Variants in NRDE2 observed in about 807,000 individuals in gnomAD.
The protein encoded by NRDE2 is NRDE-2, necessary for RNA interference, domain containing.
NRDE2 carries 76 observed loss-of-function variants against 124.2 expected under a neutral mutation model. The ratio of observed to expected loss-of-function variants is 0.61; its 90% confidence interval spans 0.51 to 0.74. NRDE2 has a LOEUF of 0.74. Ranked by LOEUF, NRDE2 falls within the 30% of genes least tolerant of loss-of-function variation. The pLI is 0.00. For synonymous variants in NRDE2, 489 were observed against 528.1 expected (o/e 0.93, Z 1.01); for missense variants, 1,314 against 1,417.3 (o/e 0.93, Z 1.17).
Position 90,292,834 on chromosome 14 carries a change from T to G in NRDE2, c.1705A>C (p.Ile569Leu), listed in dbSNP as rs1892309596. 1.2e-6 allele frequency: 2 copies of G among 1,614,170 alleles called. No individual in the cohort carries two copies. The highest frequency in any genetic ancestry group is 1.7e-6 in the Non-Finnish European group (2 of 1,180,000). The change falls in exon 9 of 14, where the codon ATA becomes CTA. Residue 569 changes from isoleucine to leucine, a missense_variant. Physicochemically the swap from Ile to Leu is conservative, Grantham distance 5. Transcript: ENST00000354366. ...DDEPEEDDQE[I>L]KDKTLPRWQI... Reference sequence around the variant, plus strand: ...CACCTGGGCAGAGTCTTATCTTTTATTTCCTGGTCATCCTCTTCTGGTTCA... The same window carrying G: ...CACCTGGGCAGAGTCTTATCTTTTAGTTCCTGGTCATCCTCTTCTGGTTCA...
chr14:90,297,973 G>C (rs894598566), intron 8 of NRDE2, among the ~76,000 whole-genome samples: 1 of 151,640 alleles, frequency 6.6e-6, no homozygotes. Flanking sequence ...TGAGGATTGG[G>C]GCAGTTATTA....
intron 10 of NRDE2, among the ~76,000 whole-genome samples, chr14:90,289,839 C>T (rs919843747): frequency 3.9e-5 from 6 of 152,232 alleles, no homozygotes; most frequent in South Asian, 2.1e-4. Context: ...CCGCCCGCCT[C>T]GGCCTCCCAA....
In NRDE2 at chr14:90,270,364, G is replaced by C; in HGVS notation, c.*7972C>G. ...GTGCTGACATCAAGGTGAGAGCCTA[G>C]CCGTGTCAGCTTATTTCTGGGAATG... On this transcript the variant is annotated 3_prime_UTR_variant, in exon 14 of 14. Coordinates refer to ENST00000354366, the MANE Select transcript of NRDE2 (RefSeq NM_017970.4). 6.2e-7 allele frequency: 1 copy of C among 1,608,562 alleles called. No individual in the cohort carries two copies.
rs577037478 is a variant in NRDE2 at position 90,293,469 on chromosome 14, C to T, written c.1667-597G>A. On this transcript the variant is annotated intron_variant, in intron 8 of 13. Coordinates refer to ENST00000354366, the MANE Select transcript of NRDE2 (RefSeq NM_017970.4). Reference sequence around the variant, plus strand: ...TTCACCATGTTGGTCAGGCTGGTTTCGAACTCCTGATCTCAGGTGATGCAC... The same window carrying T: ...TTCACCATGTTGGTCAGGCTGGTTTTGAACTCCTGATCTCAGGTGATGCAC... Among the ~76,000 whole-genome samples the T allele has an allele frequency of 7.8e-4, 118 of 152,118 alleles. 4 individuals carry two copies. In the South Asian group the frequency reaches 0.024, roughly 31 times the overall value.
Position 90,276,817 on chromosome 14 carries a change from C to T in NRDE2, c.*1519G>A, listed in dbSNP as rs975578323. The T allele has an allele frequency of 3.9e-5, 6 of 152,278 alleles. No homozygotes were observed. The East Asian group carries it at 9.7e-4, about 25-fold the overall frequency. 9.4% of individuals were successfully genotyped at this position (152,278 alleles called of 1,614,324 possible). ...GACATGAGTCAGATGGGGACTGAGG[C>T]GCCAGCTGCTGTCATGGGGAGCATG... On this transcript the variant is annotated 3_prime_UTR_variant, in exon 14 of 14. Transcript: ENST00000354366.
At position 90,275,417 on chromosome 14, in the gene NRDE2, A is replaced by C. The variant is rs988767004; in HGVS notation, c.*2919T>G. On this transcript the variant is annotated 3_prime_UTR_variant, in exon 14 of 14. Transcript: ENST00000354366. ...TTTCCTAAGTTTGAGATTAAAAAAA[A>C]CAAAAAACCCCAGCACATCAGTATT... 6.6e-6 allele frequency: 1 copy of C among 152,190 alleles called. No individual in the cohort carries two copies. Among genetic ancestry groups the C allele is most frequent in the Non-Finnish European group, 1.5e-5 (1 of 68,044 alleles). 9.4% of individuals were successfully genotyped at this position (152,190 alleles called of 1,614,324 possible).
chr14:90,303,441 T>C (rs1035049814), intron 5 of NRDE2, among the ~76,000 whole-genome samples: 1 of 152,308 alleles, frequency 6.6e-6, no homozygotes. Context: ...TGGCACAAAA[T>C]ATGGTAATTG....
chr14:90,285,311 C>T (rs28645230), intron 12 of NRDE2, among the ~76,000 whole-genome samples: 83,068 of 99,686 alleles, frequency 0.83, 33,252 homozygotes, highest in East Asian at 0.91. Flanking sequence ...TTTTTTTTTT[C>T]TTTTTTTTGA....
chr14:90,284,532 A>AT (rs200540976), intron 12 of NRDE2, among the ~76,000 whole-genome samples: 1 of 151,338 alleles, frequency 6.6e-6, no homozygotes, highest in Non-Finnish European at 1.5e-5. Flanking sequence ...CATCCAGCTA[A>AT]TTTTTTTTGT....
intron 1 of NRDE2, among the ~76,000 whole-genome samples, chr14:90,319,152 G>A (rs567877543): frequency 6.6e-6 from 1 of 152,054 alleles, no homozygotes; most frequent in Admixed American, 6.6e-5. Flanking sequence ...AGCTGTGAAG[G>A]GAAGAAAAAA....
intron 4 of NRDE2, among the ~76,000 whole-genome samples, chr14:90,310,626 T>C (rs907234930): frequency 2.6e-5 from 4 of 150,956 alleles, no homozygotes; most frequent in African/African-American, 9.7e-5. Flanking sequence ...GTTCAAGCAA[T>C]CATCCTGCCT....
Position 90,292,860 on chromosome 14 carries a change from T to C in NRDE2, c.1679A>G (p.Asp560Gly). 6.2e-7 allele frequency: 1 copy of C among 1,613,814 alleles called. No homozygotes were observed. Among genetic ancestry groups the C allele is most frequent in the Non-Finnish European group, 8.5e-7 (1 of 1,179,760 alleles). ...TTCCTGGTCATCCTCTTCTGGTTCA[T>C]CGTCATCCTCATCTAGACAAGAATG... ...WVVINPDEDD[D>G]EPEEDDQEIK... Residue 560 changes from aspartate (D) to glycine (G), a missense_variant, in exon 9 of 14, where the codon GAT becomes GGT. Coordinates refer to ENST00000354366, the MANE Select transcript of NRDE2 (RefSeq NM_017970.4).
In NRDE2 at chr14:90,278,514, TGGA is replaced by T. The variant is rs71853041; in HGVS notation, c.3370-56_3370-54del. 3.6e-3 allele frequency: 5,728 copies of T among 1,604,778 alleles called. 176 individuals are homozygous for T. The African/African-American group carries it at 0.068, about 19-fold the overall frequency. Reference sequence around the variant, plus strand: ...ACTCAGCCGCCACTTCCTGTCAGCCTGGAGGAGCTCAGGAAGCAAGGGCCAGGT... The same window carrying T: ...ACTCAGCCGCCACTTCCTGTCAGCCTGGAGCTCAGGAAGCAAGGGCCAGGT... On this transcript the variant is annotated intron_variant, in intron 13 of 13. Coordinates refer to ENST00000354366, the MANE Select transcript of NRDE2 (RefSeq NM_017970.4).
At chr14:90,290,008 A>C (rs2139676034) in intron 10 of NRDE2, among the ~76,000 whole-genome samples, 1 of 152,324 alleles carries the variant, frequency 6.6e-6, no homozygotes, top group South Asian at 2.1e-4. Context: ...ACAGCTCGAG[A>C]GTCACTGAGG....
chr14:90,294,218 C>T (rs1242323365), intron 8 of NRDE2, among the ~76,000 whole-genome samples: 1 of 151,948 alleles, frequency 6.6e-6, no homozygotes, highest in Non-Finnish European at 1.5e-5. Flanking sequence ...CACAACTGTT[C>T]CCAGGGATGT....
At chr14:90,325,853 G>T (rs527897422) in intron 1 of NRDE2, among the ~76,000 whole-genome samples, 1 of 152,258 alleles carries the variant, frequency 6.6e-6, no homozygotes, top group African/African-American at 2.4e-5. Flanking sequence ...ATGGTAGCCA[G>T]AAAGAGGAGA....
At position 90,331,905 on chromosome 14, in the gene NRDE2, G is replaced by C. The variant is rs139303187; in HGVS notation, c.-1C>G. Reference sequence around the variant, plus strand: ...CCGCAAAGGCTGGGAACAGCGCCATGACCACAGGCCGTACCTCCGTTCTTC... The same window carrying C: ...CCGCAAAGGCTGGGAACAGCGCCATCACCACAGGCCGTACCTCCGTTCTTC... On this transcript the variant is annotated 5_prime_UTR_variant, in exon 1 of 14. Coordinates refer to ENST00000354366, the MANE Select transcript of NRDE2 (RefSeq NM_017970.4). 288 of 1,614,108 alleles carry C rather than the reference G, an allele frequency of 1.8e-4. No individual in the cohort carries two copies. Among genetic ancestry groups the C allele is most frequent in the Non-Finnish European group, 2.3e-4 (274 of 1,180,044 alleles).
At chr14:90,280,683 A>C (rs1309742104) in intron 12 of NRDE2, 2 of 151,086 alleles carry the variant, frequency 1.3e-5, no homozygotes, top group Non-Finnish European at 3.0e-5. Flanking sequence ...GCCTGCGTGT[A>C]CCTTTGACCT....
At chr14:90,330,226 T>TAAATAAATAAATAAATAAATAAA (rs1460429796) in intron 1 of NRDE2, among the ~76,000 whole-genome samples, 1 of 150,772 alleles carries the variant, frequency 6.6e-6, no homozygotes, top group Non-Finnish European at 1.5e-5. Context: ...AATAAATAAA[T>TAAATAAATAAATAAATAAATAAA]AAATAAATAA....
Sources: gnomAD v4.1 joint callset for allele counts (sites outside exome capture counted in the v4.1 genomes callset) on GRCh38, gnomAD v4.1.1 for gene constraint, MANE v1.5 for transcripts, NCBI Gene and HGNC (gene_info 2026-07-23, HGNC 2026-07-21) for gene names.